Variants in ITIH5 observed in about 807,000 individuals in gnomAD.
The protein encoded by ITIH5 is inter-alpha-trypsin inhibitor heavy chain 5, also known as inter-alpha-trypsin inhibitor heavy chain H5.
A neutral mutation model predicts 77.5 loss-of-function variants in ITIH5; 65 were observed. That is an observed-to-expected ratio of 0.84 (90% CI 0.69 to 1.03). The LOEUF is 1.03. Ranked by LOEUF, ITIH5 falls within the 50% of genes least tolerant of loss-of-function variation. ITIH5 has a pLI of 0.00. For synonymous variants in ITIH5, 525 were observed against 494.3 expected, an observed-to-expected ratio of 1.06 and a Z score of -0.82; for missense variants, 1,208 against 1,213.1, an observed-to-expected ratio of 1.00 and a Z score of 0.06.
At chr10:7,585,878 T>TGAAAA in intron 8 of ITIH5, 23 bp downstream of exon 8, 1 of 1,548,368 alleles carries the variant, frequency 6.5e-7, no homozygotes, top group East Asian at 2.3e-5. Context: ...CAAGCCAATG[T>TGAAAA]GAAAAGAAGG....
chr10:7,570,967 A>C (rs968802327), intron 11 of ITIH5, among the ~76,000 whole-genome samples: 2 of 152,150 alleles, frequency 1.3e-5, no homozygotes, highest in African/African-American at 4.8e-5. Context: ...GCACATGGAC[A>C]TGTCTGCATG....
chr10:7,621,260 G>C (rs992703908), intron 5 of ITIH5: 1 of 152,188 alleles, frequency 6.6e-6, no homozygotes, highest in Non-Finnish European at 1.5e-5. Flanking sequence ...TACCTACTTA[G>C]TCTTGCTTCC....
intron 8 of ITIH5, among the ~76,000 whole-genome samples, chr10:7,584,337 G>A (rs1338744250): frequency 2.1e-5 from 3 of 143,246 alleles, no homozygotes; most frequent in Non-Finnish European, 3.0e-5. Flanking sequence ...ACAGAGTCTC[G>A]CTGTCACCCA....
intron 8 of ITIH5, among the ~76,000 whole-genome samples, chr10:7,583,384 G>A (rs538062603): frequency 6.6e-5 from 10 of 152,326 alleles, no homozygotes; most frequent in African/African-American, 2.4e-4. Context: ...CGGGGCTGGA[G>A]TGCAGTGGTG....
In ITIH5 at chr10:7,561,590, C is replaced by G. The variant is rs895473968; in HGVS notation, c.*1493G>C. On this transcript the variant is annotated 3_prime_UTR_variant, in exon 14 of 14. Transcript: ENST00000397146. ...GGTGGGTTCACGAAGCAGAGAGAGA[C>G]GAGCCCAGATAGTCCCCCAGCGCTA... 6.6e-6 allele frequency: 1 copy of G among 152,250 alleles called. No individual in the cohort carries two copies. Among genetic ancestry groups the G allele is most frequent in the South Asian group, 2.1e-4 (1 of 4,824 alleles). 9.4% of individuals were successfully genotyped at this position (152,250 alleles called of 1,614,324 possible).
chr10:7,661,486 C>A (rs1390875309), intron 1 of ITIH5, among the ~76,000 whole-genome samples: 1 of 152,112 alleles, frequency 6.6e-6, no homozygotes, highest in African/African-American at 2.4e-5. Context: ...ACATGAGATG[C>A]CATTTATCAT....
intron 12 of ITIH5, among the ~76,000 whole-genome samples, chr10:7,567,766 G>A (rs1164604217): frequency 6.6e-6 from 1 of 152,142 alleles, no homozygotes; most frequent in Non-Finnish European, 1.5e-5. Flanking sequence ...CCCAGTTTCT[G>A]GGGAAGCTGA....
intron 5 of ITIH5, among the ~76,000 whole-genome samples, chr10:7,636,907 C>T (rs1197500781): frequency 6.6e-6 from 1 of 152,046 alleles, no homozygotes; most frequent in Non-Finnish European, 1.5e-5. Flanking sequence ...CAAAATTAGC[C>T]GGGTGTGGTG....
At chr10:7,622,612 C>T (rs888037432) in intron 5 of ITIH5, 8 of 151,360 alleles carry the variant, frequency 5.3e-5, no homozygotes, top group African/African-American at 1.9e-4. Flanking sequence ...TTGAAAAAAA[C>T]AATATTTTAA....
intron 1 of ITIH5, among the ~76,000 whole-genome samples, chr10:7,665,111 T>A (rs1834340841): frequency 6.6e-6 from 1 of 152,178 alleles, no homozygotes; most frequent in South Asian, 2.1e-4. Context: ...CCTGATTTAG[T>A]CATTTTCAAG....
At chr10:7,595,783 C>A (rs980387307) in intron 7 of ITIH5, among the ~76,000 whole-genome samples, 30 of 152,008 alleles carry the variant, frequency 2.0e-4, no homozygotes, top group African/African-American at 6.8e-4. Context: ...CCGAGGCGGG[C>A]GGATCATGAG....
chr10:7,617,208 C>G lies in ITIH5; in HGVS notation c.727G>C (p.Val243Leu). 3.1e-6 allele frequency: 5 copies of G among 1,603,734 alleles called. No individual in the cohort carries two copies. Among genetic ancestry groups the G allele is most frequent in the Non-Finnish European group, 4.3e-6 (5 of 1,175,404 alleles). Residue 243 changes from valine (V) to leucine (L), a missense_variant, in exon 6 of 14, where the codon GTA (valine) becomes CTA (leucine). By Grantham distance (32) the Val-to-Leu change is conservative (BLOSUM62 1). Transcript: ENST00000397146. Reference protein sequence around the residue: ...TFANIIFKPTVVQQARIAQNG... With the variant: ...TFANIIFKPTLVQQARIAQNG... ...TGGGCAATCCTGGCTTGTTGTACTA[C>G]AGTAGGTTTAAAAATTATGTTGGCA...
At chr10:7,575,162 G>A (rs956301779) in intron 10 of ITIH5, among the ~76,000 whole-genome samples, 8 of 152,198 alleles carry the variant, frequency 5.3e-5, no homozygotes, top group African/African-American at 1.7e-4. Flanking sequence ...CACGGAAGGC[G>A]TGTCTGACAT....
At chr10:7,630,089 C>T (rs1243770513) in intron 5 of ITIH5, among the ~76,000 whole-genome samples, 1 of 152,154 alleles carries the variant, frequency 6.6e-6, no homozygotes, top group African/African-American at 2.4e-5. Context: ...ATAATGCTGA[C>T]TATTTTTTCT....
chr10:7,562,917 C>CAAACCA lies in ITIH5; in HGVS notation c.*165_*166insTGGTTT. ...TCAGGCTTCCCGCCCCTACCCACCC[C>CAAACCA]TACCCTTCGCCCAGACAGACGTCGG... On this transcript the variant is annotated 3_prime_UTR_variant, in exon 14 of 14. Coordinates refer to ENST00000397146, the MANE Select transcript of ITIH5 (RefSeq NM_030569.7). 1 of 625,040 alleles carries CAAACCA rather than the reference C, an allele frequency of 1.6e-6. No homozygotes were observed. The highest frequency in any genetic ancestry group is 2.9e-6 in the Non-Finnish European group (1 of 341,186). 38.7% of individuals were successfully genotyped at this position (625,040 alleles called of 1,614,324 possible). A position where few individuals can be genotyped will look rare whatever the true frequency, so the allele number is the denominator to read the frequency against.
chr10:7,589,745 A>AG (rs1319004836), intron 7 of ITIH5, among the ~76,000 whole-genome samples: 2 of 151,880 alleles, frequency 1.3e-5, no homozygotes, highest in African/African-American at 4.8e-5. Flanking sequence ...TCCCACCCCC[A>AG]GGAAATACGT....
At chr10:7,629,165 TATC>T (rs922147836) in intron 5 of ITIH5, among the ~76,000 whole-genome samples, 2 of 139,454 alleles carry the variant, frequency 1.4e-5, no homozygotes, top group Non-Finnish European at 3.3e-5. Flanking sequence ...GCATCCATGT[TATC>T]ATATGTATCT....
At chr10:7,605,020 C>A (rs1314825094) in intron 7 of ITIH5, among the ~76,000 whole-genome samples, 2 of 152,196 alleles carry the variant, frequency 1.3e-5, no homozygotes, top group East Asian at 3.9e-4. Context: ...CGAGATTTCA[C>A]CATGTTGCCC....
At chr10:7,601,076 G>A (rs1056391919) in intron 7 of ITIH5, among the ~76,000 whole-genome samples, 8 of 152,128 alleles carry the variant, frequency 5.3e-5, no homozygotes, top group African/African-American at 1.9e-4. Context: ...CTACCAGTGG[G>A]GAAAGAGCTC....
Sources: gnomAD v4.1 joint callset for allele counts (sites outside exome capture counted in the v4.1 genomes callset) on GRCh38, gnomAD v4.1.1 for gene constraint, MANE v1.5 for transcripts, NCBI Gene and HGNC (gene_info 2026-07-23, HGNC 2026-07-21) for gene names.